The following MCM9 variants were observed in gnomAD, a reference collection of about 807,000 sequenced individuals.
MCM9 encodes DNA helicase MCM9.
In MCM9, 55 loss-of-function variants were observed where a neutral mutation model predicts 72.8. The ratio of observed to expected loss-of-function variants is 0.76; its 90% CI spans 0.61 to 0.95. MCM9 has a LOEUF of 0.95. Among genes scored for constraint, MCM9 ranks in the 40% least tolerant of loss-of-function variants. The pLI is 0.00. For synonymous variants in MCM9, 480 were observed against 503.4 expected, an observed-to-expected ratio of 0.95 and a Z score of 0.62; for missense variants, 1,279 against 1,377.0, an observed-to-expected ratio of 0.93 and a Z score of 1.13.
At chr6:118,892,502 A>C (rs1015054848) in intron 8 of MCM9, among the ~76,000 whole-genome samples, 3 of 152,238 alleles carry the variant, frequency 2.0e-5, no homozygotes, top group Admixed American at 6.5e-5. Flanking sequence ...TCTTAAGAGT[A>C]CCTGTAATAA....
At chr6:118,897,985 T>C (rs1444194816) in intron 8 of MCM9, among the ~76,000 whole-genome samples, 1 of 152,182 alleles carries the variant, frequency 6.6e-6, no homozygotes, top group Non-Finnish European at 1.5e-5. Flanking sequence ...TCTCTCTCCA[T>C]CTCCTCTGCT....
At chr6:118,930,315 T>A (rs1035650308) in intron 3 of MCM9, among the ~76,000 whole-genome samples, 29 of 152,084 alleles carry the variant, frequency 1.9e-4, no homozygotes, top group Non-Finnish European at 2.1e-4. Context: ...GGTTTCACCG[T>A]GTTAGCCAGG....
At chr6:118,895,561 AC>A (rs1779336942) in intron 8 of MCM9, among the ~76,000 whole-genome samples, 1 of 132,784 alleles carries the variant, frequency 7.5e-6, no homozygotes, top group Non-Finnish European at 1.6e-5. Context: ...ATTAAGGTCA[AC>A]TCCTCATGTC....
intron 8 of MCM9, among the ~76,000 whole-genome samples, chr6:118,869,717 C>A (rs1417399442): frequency 6.6e-6 from 1 of 150,872 alleles, no homozygotes; most frequent in Non-Finnish European, 1.5e-5. Context: ...TATAGAGTGG[C>A]TGAATGGATA....
At chr6:118,870,121 C>A (rs890194251) in intron 8 of MCM9, among the ~76,000 whole-genome samples, 2 of 152,162 alleles carry the variant, frequency 1.3e-5, no homozygotes, top group Non-Finnish European at 2.9e-5. Context: ...TATGAAAACA[C>A]TGGACTTGAA....
chr6:118,860,771 C>T (rs1776850047), intron 8 of MCM9, among the ~76,000 whole-genome samples: 1 of 152,316 alleles, frequency 6.6e-6, no homozygotes, highest in East Asian at 1.9e-4. Context: ...GCACCAGAGG[C>T]TGGTTTCGTG....
At chr6:118,856,897 C>T (rs2114685079) in intron 8 of MCM9, among the ~76,000 whole-genome samples, 1 of 152,152 alleles carries the variant, frequency 6.6e-6, no homozygotes, top group South Asian at 2.1e-4. Flanking sequence ...ACAAAAAAGG[C>T]ATATCTTAAC....
At chr6:118,878,699 T>C (rs1342800280) in intron 8 of MCM9, among the ~76,000 whole-genome samples, 2 of 152,206 alleles carry the variant, frequency 1.3e-5, no homozygotes, top group East Asian at 3.9e-4. Flanking sequence ...TTAATATCTT[T>C]AAATATATAA....
At chr6:118,880,718 T>C (rs1344059928) in intron 8 of MCM9, among the ~76,000 whole-genome samples, 1 of 152,228 alleles carries the variant, frequency 6.6e-6, no homozygotes, top group Non-Finnish European at 1.5e-5. Context: ...TTTCAAACTT[T>C]GGGTTTTTAG....
In MCM9 at chr6:118,841,890, A is replaced by C. The variant is rs150987204; in HGVS notation, c.1326-12640T>G. On this transcript the variant is annotated intron_variant, in intron 9 of 13. Transcript: ENST00000619706. ...CGCTCTGTCGCCTAGGCTGGAGGGC[A>C]GTGGCGTGATCCCAGCTCACTGCAG... Among the ~76,000 whole-genome samples, 744 of 148,822 alleles carry C rather than the reference A, an allele frequency of 5.0e-3. 10 individuals carry two copies. The highest frequency in any genetic ancestry group is 0.035 in the East Asian group (171 of 4,908).
chr6:118,885,441 A>G (rs1778541093), intron 8 of MCM9, among the ~76,000 whole-genome samples: 1 of 152,154 alleles, frequency 6.6e-6, no homozygotes, highest in Non-Finnish European at 1.5e-5. Context: ...GTGACCAAAC[A>G]AAAAAGAAAG....
At chr6:118,836,177 C>G (rs1015751843) in intron 9 of MCM9, among the ~76,000 whole-genome samples, 1 of 152,174 alleles carries the variant, frequency 6.6e-6, no homozygotes, top group Non-Finnish European at 1.5e-5. Context: ...TTGAACCAGC[C>G]TTGCATCCCA....
At chr6:118,844,545 CA>C (rs559790707) in intron 9 of MCM9, among the ~76,000 whole-genome samples, 4,061 of 133,714 alleles carry the variant, frequency 0.03, 170 homozygotes, top group African/African-American at 0.082. Context: ...TTAAAAAATA[CA>C]AAAAAAAAAA....
intron 3 of MCM9, among the ~76,000 whole-genome samples, chr6:118,926,594 T>G (rs1276727060): frequency 2.6e-5 from 4 of 152,254 alleles, no homozygotes; most frequent in African/African-American, 9.6e-5. Flanking sequence ...TCATTCCTGT[T>G]GTAACATATA....
chr6:118,837,219 G>A (rs1011226658), intron 9 of MCM9, among the ~76,000 whole-genome samples: 21 of 152,128 alleles, frequency 1.4e-4, no homozygotes, highest in Non-Finnish European at 2.4e-4. Context: ...TTGCACTGTG[G>A]TCTGAGAGAC....
chr6:118,827,340 A>G lies in MCM9; in HGVS notation c.1733-476T>C, dbSNP rs997205447. 2.0e-5 allele frequency among the ~76,000 whole-genome samples: 3 copies of G among 152,170 alleles called. No individual in the cohort carries two copies. In the East Asian group the frequency reaches 5.8e-4, roughly 29 times the overall value. ...AAAGAAAGTCCATTTGTTTTACAGT[A>G]TTTTTTATTAAGCTTGTATTATTTT... On this transcript the variant is annotated intron_variant, in intron 11 of 13. Transcript: ENST00000619706.
intron 8 of MCM9, among the ~76,000 whole-genome samples, chr6:118,894,966 T>G (rs1454292341): frequency 2.0e-5 from 3 of 151,822 alleles, no homozygotes; most frequent in African/African-American, 4.8e-5. Context: ...TTACCCCGAG[T>G]CGAGAATTGG....
chr6:118,932,553 TTTAG>T (rs1782530866), intron 2 of MCM9, 50 bp downstream of exon 2: 1 of 949,006 alleles, frequency 1.1e-6, no homozygotes, highest in Non-Finnish European at 1.3e-6. Flanking sequence ...TCTCTCTCTC[TTTAG>T]TTATACACAC....
At chr6:118,859,723 TCTTG>T (rs1776787590) in intron 8 of MCM9, among the ~76,000 whole-genome samples, 1 of 152,188 alleles carries the variant, frequency 6.6e-6, no homozygotes, top group South Asian at 2.1e-4. Context: ...TAAAATCTAC[TCTTG>T]CTTCTGGCAG....
Sources: gnomAD v4.1 joint callset for allele counts (sites outside exome capture counted in the v4.1 genomes callset) on GRCh38, gnomAD v4.1.1 for gene constraint, MANE v1.5 for transcripts, NCBI Gene and HGNC (gene_info 2026-07-23, HGNC 2026-07-21) for gene names.